The following TENM3 variants were observed in gnomAD, a reference collection of about 807,000 sequenced individuals.
The protein encoded by TENM3 is teneurin-3.
A neutral mutation model predicts 255.1 loss-of-function variants in TENM3; 63 were observed. That is an observed-to-expected ratio of 0.25 (90% CI 0.20 to 0.30). TENM3 has a LOEUF of 0.30. Ranked by LOEUF, TENM3 falls within the 10% of genes least tolerant of loss-of-function variation. The pLI is 1.00. For synonymous variants in TENM3, 1,306 were observed against 1,322.3 expected (o/e 0.99, Z 0.27); for missense variants, 2,929 against 3,461.1 (o/e 0.85, Z 3.86).
chr4:181,972,509 C>A, the TENM3 span, among the ~76,000 whole-genome samples: 1 of 151,100 alleles, frequency 6.6e-6, no homozygotes, highest in African/African-American at 2.4e-5. Context: ...AAAATGCTAA[C>A]CTTGAAATAT....
At chr4:181,848,423 A>C in the TENM3 span, among the ~76,000 whole-genome samples, 42 of 152,166 alleles carry the variant, frequency 2.8e-4, no homozygotes, top group African/African-American at 9.9e-4. Context: ...CTCTTCTAGA[A>C]ATGTCCACGT....
intron 3 of TENM3, among the ~76,000 whole-genome samples, chr4:182,545,628 T>G (rs1741362496): frequency 6.6e-6 from 1 of 151,980 alleles, no homozygotes; most frequent in Non-Finnish European, 1.5e-5. Context: ...CGTGCCACAG[T>G]CTCCCTCCCC....
intron 12 of TENM3, among the ~76,000 whole-genome samples, chr4:182,706,482 G>T (rs933227526): frequency 3.2e-4 from 49 of 152,266 alleles, no homozygotes; most frequent in Admixed American, 6.5e-4. Context: ...ATGGGTGAAG[G>T]ACAGGGGAAG....
chr4:182,799,950 G>A lies in TENM3; in HGVS notation c.7699G>A (p.Gly2567Ser). 6.3e-7 allele frequency: 1 copy of A among 1,593,136 alleles called. No homozygotes were observed. Among genetic ancestry groups the A allele is most frequent in the East Asian group, 2.3e-5 (1 of 43,664 alleles). Reference protein sequence around the residue: ...SDLGTLRLTSGRKALENGINV... With the variant: ...SDLGTLRLTSSRKALENGINV... ...CCTGGGCACGCTGCGGTTGACCAGCGGCCGCAAGGCGCTGGAGAACGGCAT... is the reference window on the plus strand; with the variant it reads ...CCTGGGCACGCTGCGGTTGACCAGCAGCCGCAAGGCGCTGGAGAACGGCAT... Residue 2567 changes from glycine (G) to serine (S), a missense_variant, in exon 28 of 28, where the codon GGC (glycine) becomes AGC (serine). Gly to Ser is a moderately conservative substitution (Grantham distance 56, BLOSUM62 0). Coordinates refer to ENST00000511685, the MANE Select transcript of TENM3 (RefSeq NM_001080477.4). The surrounding 1 kb of genome is among the most constrained non-coding windows in gnomAD (Gnocchi z 4.2).
Position 182,679,648 on chromosome 4 carries a change from T to C in TENM3, c.1327-18T>C. ...CACCCTTTATCTTTCTGACTATTTT[T>C]CCTCGTCCTCCCCCCAGTATGACTT... On this transcript the variant is annotated intron_variant, in intron 7 of 27. Coordinates refer to ENST00000511685, the MANE Select transcript of TENM3 (RefSeq NM_001080477.4). 6.3e-7 allele frequency: 1 copy of C among 1,596,870 alleles called. No individual in the cohort carries two copies. Among genetic ancestry groups the C allele is most frequent in the Non-Finnish European group, 8.5e-7 (1 of 1,169,734 alleles).
At chr4:182,174,475 C>T (rs544432800) in intron 1 of TENM3, among the ~76,000 whole-genome samples, 1 of 136,248 alleles carries the variant, frequency 7.3e-6, no homozygotes, top group South Asian at 2.4e-4. Context: ...CTGATTTCAT[C>T]TAAGGAAAGC....
At chr4:182,666,893 C>T (rs1364453832) in intron 6 of TENM3, among the ~76,000 whole-genome samples, 1 of 151,580 alleles carries the variant, frequency 6.6e-6, no homozygotes, top group African/African-American at 2.4e-5. Flanking sequence ...GCTTTTGAGA[C>T]CCTGTCTCAA....
intron 2 of TENM3, among the ~76,000 whole-genome samples, chr4:182,339,694 G>A (rs1317958303): frequency 6.6e-6 from 1 of 152,106 alleles, no homozygotes; most frequent in Non-Finnish European, 1.5e-5. Context: ...TCCACAGTGT[G>A]ACTCACCGCG....
chr4:182,705,112 A>T (rs1269977826), intron 12 of TENM3, among the ~76,000 whole-genome samples: 1 of 152,208 alleles, frequency 6.6e-6, no homozygotes, highest in African/African-American at 2.4e-5. Flanking sequence ...ATGGGTGTGC[A>T]CCTTGCACGC....
intron 4 of TENM3, among the ~76,000 whole-genome samples, chr4:182,610,505 A>AC (rs1369078470): frequency 6.6e-6 from 1 of 152,048 alleles, no homozygotes; most frequent in Non-Finnish European, 1.5e-5. Flanking sequence ...GCATGGTGAG[A>AC]CCCCACCTCT....
At chr4:181,895,298 A>G in the TENM3 span, among the ~76,000 whole-genome samples, 1 of 152,054 alleles carries the variant, frequency 6.6e-6, no homozygotes, top group African/African-American at 2.4e-5. Flanking sequence ...TCGCAAATTT[A>G]AACATCTGTA....
the TENM3 span, among the ~76,000 whole-genome samples, chr4:181,566,533 T>C: frequency 6.6e-6 from 1 of 152,130 alleles, no homozygotes; most frequent in African/African-American, 2.4e-5. Flanking sequence ...TTTTCCTCTT[T>C]CCCACCCTTC....
chr4:181,706,904 T>G, the TENM3 span, among the ~76,000 whole-genome samples: 1 of 152,210 alleles, frequency 6.6e-6, no homozygotes, highest in Non-Finnish European at 1.5e-5. Flanking sequence ...TGGTTACTGA[T>G]GTCCTGAGCC....
chr4:181,528,958 ATATT>A, the TENM3 span, among the ~76,000 whole-genome samples: 5 of 152,354 alleles, frequency 3.3e-5, no homozygotes, highest in East Asian at 9.6e-4. Flanking sequence ...ATATATGTCT[ATATT>A]TAACAGTATA....
intron 3 of TENM3, among the ~76,000 whole-genome samples, chr4:182,547,888 T>C (rs1741604276): frequency 1.3e-5 from 2 of 152,116 alleles, no homozygotes; most frequent in Non-Finnish European, 2.9e-5. Context: ...GAAATTGTTT[T>C]CTTTTTCTAA....
At chr4:181,998,966 A>C in the TENM3 span, among the ~76,000 whole-genome samples, 111 of 152,300 alleles carry the variant, frequency 7.3e-4, no homozygotes, top group African/African-American at 2.6e-3. Flanking sequence ...AAAATAAAAC[A>C]TCATTCACTC....
Position 182,728,203 on chromosome 4 carries a change from T to C in TENM3, c.2369-762T>C, listed in dbSNP as rs185119393. Reference sequence around the variant, plus strand: ...CTCATCTCATCCATTTTATATTGATTTGTGTTTGCTACACTTCATAAACTT... The same window carrying C: ...CTCATCTCATCCATTTTATATTGATCTGTGTTTGCTACACTTCATAAACTT... On this transcript the variant is annotated intron_variant, in intron 13 of 27. Transcript: ENST00000511685. 2.6e-5 allele frequency among the ~76,000 whole-genome samples: 4 copies of C among 152,302 alleles called. No homozygotes were observed. The East Asian group carries it at 7.7e-4, about 29-fold the overall frequency.
At chr4:181,635,058 T>A in the TENM3 span, among the ~76,000 whole-genome samples, 1 of 152,080 alleles carries the variant, frequency 6.6e-6, no homozygotes, top group Non-Finnish European at 1.5e-5. Context: ...AAACATGAGG[T>A]TGTTTATTTC....
In TENM3 at chr4:182,750,806, A is replaced by G. The variant is rs75784641; in HGVS notation, c.3630-994A>G. The stretch of plus-strand genomic sequence containing the variant: ...TCAAAAGATACATGGAGTTTGATAG[A>G]TTCCCATCATGTTGACGTCTTGGTT... On this transcript the variant is annotated intron_variant, in intron 19 of 27. Transcript: ENST00000511685. Among the ~76,000 whole-genome samples the G allele has an allele frequency of 4.5e-3, 687 of 152,282 alleles. 4 individuals carry two copies. Among genetic ancestry groups the G allele is most frequent in the African/African-American group, 0.016 (646 of 41,568 alleles).
Sources: allele counts gnomAD v4.1 joint callset (sites outside exome capture counted in the v4.1 genomes callset), GRCh38; gene constraint gnomAD v4.1.1; non-coding constraint Gnocchi (gnomAD v3.1); transcripts MANE v1.5; gene names NCBI Gene and HGNC (gene_info 2026-07-23, HGNC 2026-07-21).